The following ARAP2 variants were observed in gnomAD, a reference collection of about 807,000 sequenced individuals.
The protein encoded by ARAP2 is ArfGAP with RhoGAP domain, ankyrin repeat and PH domain 2.
Under a neutral mutation model 194.5 loss-of-function variants are expected in ARAP2, and 148 were observed. The ratio of observed to expected loss-of-function variants is 0.76; its 90% CI spans 0.67 to 0.87. ARAP2 has a LOEUF of 0.87. Ranked by LOEUF, ARAP2 falls within the 40% of genes least tolerant of loss-of-function variation. The pLI is 0.00. For missense variants in ARAP2, 2,128 were observed against 1,989.7 expected (o/e 1.07, Z -1.32); for synonymous variants, 695 against 683.5 (o/e 1.02, Z -0.26).
chr4:36,235,212 C>G (rs545065794), intron 1 of ARAP2, among the ~76,000 whole-genome samples: 5 of 152,270 alleles, frequency 3.3e-5, no homozygotes, highest in Admixed American at 3.3e-4. Context: ...AACCCCTCTC[C>G]CCCACACAGT....
intron 26 of ARAP2, among the ~76,000 whole-genome samples, chr4:36,110,387 G>C (rs1346907811): frequency 1.3e-5 from 2 of 151,836 alleles, no homozygotes; most frequent in African/African-American, 4.8e-5. Flanking sequence ...GAAGAAATAA[G>C]ACCATCTTTT....
At chr4:36,127,725 A>T (rs1449996199) in intron 21 of ARAP2, among the ~76,000 whole-genome samples, 1 of 151,956 alleles carries the variant, frequency 6.6e-6, no homozygotes, top group Non-Finnish European at 1.5e-5. Context: ...AAAAATTATC[A>T]TTTGGAAAAT....
intron 27 of ARAP2, among the ~76,000 whole-genome samples, chr4:36,096,213 A>C (rs1272061766): frequency 6.6e-6 from 1 of 151,810 alleles, no homozygotes. Context: ...AAAATACAAA[A>C]AATTAGCCAG....
chr4:36,063,433 T>C (rs1724798381), downstream of ARAP2, among the ~76,000 whole-genome samples: 1 of 150,618 alleles, frequency 6.6e-6, no homozygotes, highest in Non-Finnish European at 1.5e-5. Context: ...GTTGTGCACA[T>C]GTACCCTAGA....
intron 26 of ARAP2, among the ~76,000 whole-genome samples, chr4:36,110,526 A>T (rs528917288): frequency 1.3e-5 from 2 of 151,952 alleles, no homozygotes; most frequent in Non-Finnish European, 2.9e-5. Context: ...AAAGGGGTCT[A>T]CATTGGCAGA....
At chr4:36,077,280 C>G (rs920730323) in intron 31 of ARAP2, among the ~76,000 whole-genome samples, 1 of 152,078 alleles carries the variant, frequency 6.6e-6, no homozygotes, top group African/African-American at 2.4e-5. Flanking sequence ...AACGCCATAT[C>G]TGATCGAAAC....
intron 11 of ARAP2, among the ~76,000 whole-genome samples, chr4:36,162,163 T>C (rs920445133): frequency 6.6e-6 from 1 of 150,886 alleles, no homozygotes; most frequent in Admixed American, 6.6e-5. Flanking sequence ...TATATGTGCA[T>C]GAGTGCATAT....
chr4:36,077,626 C>G (rs976401122), intron 31 of ARAP2, among the ~76,000 whole-genome samples: 5 of 152,120 alleles, frequency 3.3e-5, no homozygotes, highest in African/African-American at 1.2e-4. Context: ...CCACCCTAGT[C>G]TGAGTTGACA....
intron 6 of ARAP2, among the ~76,000 whole-genome samples, chr4:36,203,070 C>T (rs1180336325): frequency 1.3e-5 from 2 of 152,138 alleles, no homozygotes; most frequent in African/African-American, 4.8e-5. Context: ...ACTTGCACTC[C>T]AACATCACAG....
intron 27 of ARAP2, 117 bp from the exon 28 acceptor site, chr4:36,092,137 A>G: frequency 8.4e-7 from 1 of 1,194,480 alleles, no homozygotes; most frequent in Non-Finnish European, 1.1e-6. Flanking sequence ...ACTACCGCTA[A>G]AGTCTAAGGT....
chr4:36,125,065 A>G, intron 21 of ARAP2, 98 bp from the exon 22 acceptor site: 1 of 706,294 alleles, frequency 1.4e-6, no homozygotes, highest in South Asian at 2.0e-5. Context: ...AAACAAATGC[A>G]TTTTAATAGG....
rs146968529 is a variant in ARAP2, at chr4:36,017,657, A to G, written n.750+1487T>C. 3.4e-4 allele frequency among the ~76,000 whole-genome samples: 51 copies of G among 148,962 alleles called. 1 individual carries two copies. In the South Asian group the frequency reaches 4.7e-3, roughly 14 times the overall value. ...GGTCTTGGGGAGAAATGTGTTTCCT[A>G]TACCCCTGGGACAGTAAATCTCATG... On this transcript the variant is annotated intron_variant and non_coding_transcript_variant, in intron 6 of 12. Transcript: ENST00000503225.
At position 36,140,139 on chromosome 4, in the gene ARAP2, T is replaced by TACACACACACACACACACAC. The variant is rs66531233; in HGVS notation, c.3264-6770_3264-6751dup. On this transcript the variant is annotated intron_variant, in intron 19 of 32. Transcript: ENST00000303965. ...TCTTTAAAAAACAAAACAAAAACAATACACACACACACACACACACACACA... is the reference window on the plus strand; with the variant it reads ...TCTTTAAAAAACAAAACAAAAACAATACACACACACACACACACACACACACACACACACACACACACACA... 6.8e-4 allele frequency among the ~76,000 whole-genome samples: 96 copies of TACACACACACACACACACAC among 140,478 alleles called. 1 individual carries two copies. Among genetic ancestry groups the TACACACACACACACACACAC allele is most frequent in the Non-Finnish European group, 1.2e-3 (75 of 64,220 alleles). The allele number at this position is 140,478 out of a possible 152,430, so 92.2% of individuals were successfully genotyped here.
At position 36,193,570 on chromosome 4, in the gene ARAP2, GTAT is replaced by G. The variant is rs753867093; in HGVS notation, c.1557+5_1557+7del. 7 of 1,573,768 alleles carry G rather than the reference GTAT, an allele frequency of 4.4e-6. No homozygotes were observed. In the African/African-American group the frequency reaches 8.2e-5, roughly 18 times the overall value. On this transcript the variant is annotated splice_donor_5th_base_variant and intron_variant, in intron 7 of 32. Transcript: ENST00000303965. The stretch of plus-strand genomic sequence containing the variant: ...AAGCAATTTTTGAAAACTGTAAAAT[GTAT>G]TTACCTTCTCATTATTGTAGTAAGA...
intron 31 of ARAP2, among the ~76,000 whole-genome samples, chr4:36,076,944 T>A (rs547107685): frequency 6.6e-6 from 1 of 152,232 alleles, no homozygotes; most frequent in South Asian, 2.1e-4. Flanking sequence ...CCTCTCAAAT[T>A]GCAATAGCCA....
At chr4:36,082,432 G>T in intron 29 of ARAP2, 146 bp from the exon 30 acceptor site, 1 of 773,734 alleles carries the variant, frequency 1.3e-6, no homozygotes, top group Non-Finnish European at 2.1e-6. Context: ...GTTGGACTTA[G>T]CTAGAGGTGA....
chr4:36,167,748 T>C lies in ARAP2; in HGVS notation c.1858-701A>G, dbSNP rs1441950606. 3.9e-5 allele frequency among the ~76,000 whole-genome samples: 6 copies of C among 152,152 alleles called. No homozygotes were observed. In the South Asian group the frequency reaches 1.0e-3, roughly 26 times the overall value. ...AAAACTGCCATTTGTTCAAAATCTA[T>C]AGTTACTATGTTCAGCTTGTCTCAT... On this transcript the variant is annotated intron_variant, in intron 9 of 32. Transcript: ENST00000303965.
intron 16 of ARAP2, among the ~76,000 whole-genome samples, chr4:36,149,144 A>G (rs6814214): frequency 1.3e-5 from 2 of 152,082 alleles, no homozygotes; most frequent in Non-Finnish European, 2.9e-5. Flanking sequence ...TTACCTAAAA[A>G]TCTCAAAATA....
chr4:36,215,097 AAC>A (rs1290118911), intron 2 of ARAP2, among the ~76,000 whole-genome samples: 1 of 152,232 alleles, frequency 6.6e-6, no homozygotes, highest in South Asian at 2.1e-4. Context: ...TCTATCATAT[AAC>A]AGAGTTCTCT....
Sources: allele counts gnomAD v4.1 joint callset (sites outside exome capture counted in the v4.1 genomes callset), GRCh38; gene constraint gnomAD v4.1.1; transcripts MANE v1.5; gene names NCBI Gene and HGNC (gene_info 2026-07-23, HGNC 2026-07-21).